KIAA1328: variants seen among roughly 807,000 people sequenced by gnomAD.
The protein encoded by KIAA1328 is protein hinderin.
A neutral mutation model predicts 68.1 loss-of-function variants in KIAA1328; 52 were observed. That is an observed-to-expected ratio of 0.76 (90% CI 0.61 to 0.96). KIAA1328 has a LOEUF of 0.96. Ranked by LOEUF, KIAA1328 falls within the 40% of genes least tolerant of loss-of-function variation. The pLI is 0.00. For synonymous variants in KIAA1328, 232 were observed against 239.4 expected, an observed-to-expected ratio of 0.97 and a Z score of 0.28; for missense variants, 641 against 677.6, an observed-to-expected ratio of 0.95 and a Z score of 0.60.
intron 7 of KIAA1328, among the ~76,000 whole-genome samples, chr18:37,129,704 T>C (rs118121864): frequency 0.027 from 4,080 of 152,278 alleles, 79 homozygotes; most frequent in Middle Eastern, 0.058. Flanking sequence ...TACATAATCA[T>C]AATATGGCAA....
intron 1 of KIAA1328, 90 bp downstream of exon 1, chr18:36,829,286 G>C (rs1265157224): frequency 7.0e-7 from 1 of 1,436,262 alleles, no homozygotes; most frequent in South Asian, 1.4e-5. Context: ...GAGCGGAGGA[G>C]AAGCTCCGAA....
Position 37,140,490 on chromosome 18 carries a change from A to G in KIAA1328, c.1233-19710A>G, listed in dbSNP as rs545139019. On this transcript the variant is annotated intron_variant, in intron 7 of 9. Coordinates refer to ENST00000280020, the MANE Select transcript of KIAA1328 (RefSeq NM_020776.3). ...ATAAGATTTGGGCAAAATAGCAAGA[A>G]AAGTTCAAGGTGCTCTGAATTACCA... Among the ~76,000 whole-genome samples the G allele has an allele frequency of 2.0e-5, 3 of 152,288 alleles. No homozygotes were observed. In the South Asian group the frequency reaches 6.2e-4, roughly 32 times the overall value.
chr18:37,172,574 G>T (rs1187994515), intron 8 of KIAA1328, among the ~76,000 whole-genome samples: 1 of 152,156 alleles, frequency 6.6e-6, no homozygotes, highest in Non-Finnish European at 1.5e-5. Context: ...TCTTGAAAGT[G>T]TTTTAAAGAG....
chr18:37,117,866 G>A (rs1163513018), intron 7 of KIAA1328, among the ~76,000 whole-genome samples: 7 of 142,592 alleles, frequency 4.9e-5, no homozygotes, highest in East Asian at 2.0e-4. Context: ...GAAAACGGAC[G>A]TAGTTGGTTT....
chr18:37,075,931 G>A (rs2056715562), intron 7 of KIAA1328, among the ~76,000 whole-genome samples: 1 of 152,142 alleles, frequency 6.6e-6, no homozygotes. Flanking sequence ...CAACGAGACA[G>A]AAAGTTAACA....
At chr18:37,037,603 G>T (rs983355336) in intron 6 of KIAA1328, among the ~76,000 whole-genome samples, 1 of 152,142 alleles carries the variant, frequency 6.6e-6, no homozygotes, top group African/African-American at 2.4e-5. Context: ...GTTGTCTTTC[G>T]CCAGGCATGG....
chr18:36,832,410 C>T (rs558520886), intron 1 of KIAA1328, among the ~76,000 whole-genome samples: 24 of 151,582 alleles, frequency 1.6e-4, no homozygotes, highest in Non-Finnish European at 3.2e-4. Context: ...CATGATGAAA[C>T]GGCCGTCTCT....
chr18:36,956,847 A>C (rs904812416), intron 5 of KIAA1328, among the ~76,000 whole-genome samples: 2 of 152,196 alleles, frequency 1.3e-5, no homozygotes, highest in Non-Finnish European at 1.5e-5. Flanking sequence ...TCCTGGGACC[A>C]CCACAAATCA....
intron 7 of KIAA1328, among the ~76,000 whole-genome samples, chr18:37,096,518 A>C (rs1438307496): frequency 6.6e-6 from 1 of 152,210 alleles, no homozygotes; most frequent in East Asian, 1.9e-4. Context: ...TGCTATTGTG[A>C]ATACTGCCAC....
chr18:37,121,916 T>C (rs1194462330), intron 7 of KIAA1328, among the ~76,000 whole-genome samples: 3 of 152,078 alleles, frequency 2.0e-5, no homozygotes, highest in Admixed American at 6.6e-5. Flanking sequence ...AAACCAAGGA[T>C]ACCCAAATAG....
At chr18:36,990,252 C>A (rs1053819291) in intron 6 of KIAA1328, among the ~76,000 whole-genome samples, 2 of 152,066 alleles carry the variant, frequency 1.3e-5, no homozygotes, top group African/African-American at 2.4e-5. Flanking sequence ...ATATTATTTA[C>A]TTTCCCAAGG....
At chr18:36,872,931 G>A (rs1037867218) in intron 4 of KIAA1328, among the ~76,000 whole-genome samples, 3 of 152,112 alleles carry the variant, frequency 2.0e-5, no homozygotes, top group African/African-American at 7.2e-5. Context: ...GTTTTGTGAG[G>A]CCCAACTTTA....
At chr18:36,934,534 C>T (rs1489081094) in intron 5 of KIAA1328, among the ~76,000 whole-genome samples, 4 of 152,052 alleles carry the variant, frequency 2.6e-5, no homozygotes, top group Non-Finnish European at 5.9e-5. Flanking sequence ...TTGTTCAATT[C>T]CCACCTATGA....
intron 6 of KIAA1328, among the ~76,000 whole-genome samples, chr18:37,016,830 G>A (rs2054169564): frequency 6.6e-6 from 1 of 151,938 alleles, no homozygotes; most frequent in Non-Finnish European, 1.5e-5. Flanking sequence ...TGTTGGTTCT[G>A]TTTGTACTTA....
At chr18:37,077,736 A>G (rs1377926340) in intron 7 of KIAA1328, among the ~76,000 whole-genome samples, 1 of 139,610 alleles carries the variant, frequency 7.2e-6, no homozygotes, top group Non-Finnish European at 1.5e-5. Flanking sequence ...CAATTGCTTC[A>G]AAGAGAATAA....
At chr18:37,052,279 A>G (rs1371854866) in intron 6 of KIAA1328, among the ~76,000 whole-genome samples, 1 of 152,210 alleles carries the variant, frequency 6.6e-6, no homozygotes, top group Non-Finnish European at 1.5e-5. Context: ...AAAGCTTTCA[A>G]TAAAATCCAA....
At chr18:36,866,078 C>G (rs1273136344) in intron 4 of KIAA1328, among the ~76,000 whole-genome samples, 1 of 152,164 alleles carries the variant, frequency 6.6e-6, no homozygotes, top group Non-Finnish European at 1.5e-5. Context: ...TTCAAGTTAA[C>G]TGTTTGTTGG....
At chr18:37,041,709 T>C (rs1020625123) in intron 6 of KIAA1328, among the ~76,000 whole-genome samples, 5 of 151,982 alleles carry the variant, frequency 3.3e-5, no homozygotes, top group African/African-American at 9.7e-5. Flanking sequence ...TAAATTCCTT[T>C]ACTGTTTTTT....
intron 7 of KIAA1328, among the ~76,000 whole-genome samples, chr18:37,105,916 C>CAAAAAAAGAAAAAAAAAAAAAA (rs2057759216): frequency 5.1e-5 from 1 of 19,502 alleles, no homozygotes; most frequent in African/African-American, 1.2e-4. Flanking sequence ...GACTCTGTGT[C>CAAAAAAAGAAAAAAAAAAAAAA]AAAAAAAAAA....
Sources: allele counts gnomAD v4.1 joint callset (sites outside exome capture counted in the v4.1 genomes callset), GRCh38; gene constraint gnomAD v4.1.1; transcripts MANE v1.5; gene names NCBI Gene and HGNC (gene_info 2026-07-23, HGNC 2026-07-21).